SV2C: variants seen among roughly 807,000 people sequenced by gnomAD.
SV2C encodes the protein solute carrier family 22 member B3.
Under a neutral mutation model 79.7 loss-of-function variants are expected in SV2C, and 49 were observed. The ratio of observed to expected loss-of-function variants is 0.61; its 90% CI spans 0.49 to 0.78. The LOEUF (loss-of-function observed/expected upper bound fraction) is 0.78, where lower values mean the gene tolerates loss of function less well. Among genes scored for constraint, SV2C ranks in the 30% least tolerant of loss-of-function variants. The pLI, the probability that SV2C is intolerant of heterozygous loss-of-function variation, is 0.00. For missense variants in SV2C, 833 were observed against 912.9 expected (o/e 0.91, Z 1.13); for synonymous variants, 334 against 333.2 (o/e 1.00, Z -0.03).
the SV2C span, among the ~76,000 whole-genome samples, chr5:75,930,979 CA>C: frequency 1.3e-5 from 2 of 152,008 alleles, no homozygotes; most frequent in African/African-American, 2.4e-5. Flanking sequence ...ACTAAAAACA[CA>C]AAAATTAGCC....
chr5:75,944,785 C>T, the SV2C span, among the ~76,000 whole-genome samples: 2 of 152,034 alleles, frequency 1.3e-5, no homozygotes, highest in Non-Finnish European at 2.9e-5. Context: ...AGAAAAGTAC[C>T]CATTTCTTTT....
rs527647482 is a variant in SV2C at position 76,156,942 on chromosome 5, T to C, written c.580+24612T>C. Among the ~76,000 whole-genome samples the C allele has an allele frequency of 2.6e-5, 4 of 152,034 alleles. No individual in the cohort carries two copies. The South Asian group carries it at 8.3e-4, about 32-fold the overall frequency. ...ATTGAGTGCACCAACCTATATGTAATGGGAATACTGGAAGGAGAGGAAAAA... is the reference window on the plus strand; with the variant it reads ...ATTGAGTGCACCAACCTATATGTAACGGGAATACTGGAAGGAGAGGAAAAA... On this transcript the variant is annotated intron_variant, in intron 2 of 12. Coordinates refer to ENST00000502798, the MANE Select transcript of SV2C (RefSeq NM_014979.4).
At chr5:76,207,421 G>A (rs9293680) in intron 3 of SV2C, among the ~76,000 whole-genome samples, 83,309 of 152,042 alleles carry the variant, frequency 0.55, 23,232 homozygotes, top group African/African-American at 0.64. Context: ...ATCAAATGAA[G>A]AAAAGGAGTA....
chr5:76,035,155 T>C, the SV2C span, among the ~76,000 whole-genome samples: 1 of 152,138 alleles, frequency 6.6e-6, no homozygotes, highest in African/African-American at 2.4e-5. Flanking sequence ...TTTATAAGTC[T>C]TGCTAGCGGT....
chr5:75,872,424 T>C, the SV2C span, among the ~76,000 whole-genome samples: 2 of 152,146 alleles, frequency 1.3e-5, no homozygotes, highest in Admixed American at 6.6e-5. Flanking sequence ...CCTGGAATGG[T>C]ATTTTTTGGG....
At chr5:76,284,431 C>A (rs913428761) in intron 4 of SV2C, among the ~76,000 whole-genome samples, 3 of 152,174 alleles carry the variant, frequency 2.0e-5, no homozygotes, top group Non-Finnish European at 4.4e-5. Context: ...AAGCTAGTGA[C>A]ACCCTCAAAA....
At chr5:75,870,139 T>C in the SV2C span, among the ~76,000 whole-genome samples, 1 of 151,856 alleles carries the variant, frequency 6.6e-6, no homozygotes, top group South Asian at 2.1e-4. Flanking sequence ...CAGGAAAACA[T>C]GACATCACCA....
chr5:75,954,554 C>T, the SV2C span, among the ~76,000 whole-genome samples: 1 of 150,604 alleles, frequency 6.6e-6, no homozygotes, highest in East Asian at 1.9e-4. Flanking sequence ...GACGATCAGG[C>T]AGGAGAAGGA....
At chr5:75,973,691 G>C in the SV2C span, among the ~76,000 whole-genome samples, 4 of 151,914 alleles carry the variant, frequency 2.6e-5, no homozygotes, top group Admixed American at 2.6e-4. Flanking sequence ...AGACTATATA[G>C]AAGAGTAAGT....
intron 4 of SV2C, among the ~76,000 whole-genome samples, chr5:76,234,558 C>T (rs12187375): frequency 0.12 from 17,935 of 152,080 alleles, 3,080 homozygotes; most frequent in African/African-American, 0.38. Context: ...AAGTTTTATT[C>T]TGATATATTA....
intron 2 of SV2C, among the ~76,000 whole-genome samples, chr5:76,150,827 T>G (rs1749583765): frequency 6.6e-6 from 1 of 151,470 alleles, no homozygotes; most frequent in Non-Finnish European, 1.5e-5. Flanking sequence ...TTTGTGGAGA[T>G]GGGGGCCTCT....
Position 76,326,463 on chromosome 5 carries a change from T to C in SV2C, c.*916T>C, listed in dbSNP as rs1749000044. 1 of 152,210 alleles carries C rather than the reference T, an allele frequency of 6.6e-6. No homozygotes were observed. The highest frequency in any genetic ancestry group is 2.1e-4 in the South Asian group (1 of 4,826). 9.4% of individuals were successfully genotyped at this position (152,210 alleles called of 1,614,324 possible). On this transcript the variant is annotated 3_prime_UTR_variant, in exon 13 of 13. Transcript: ENST00000502798. The stretch of plus-strand genomic sequence containing the variant: ...CTGTCTCTAGTCTAGAGATTGCCAG[T>C]GGATAGCTAAATTGTAAATTGCAAA...
intron 12 of SV2C, chr5:76,311,463 C>G (rs1748438365): frequency 6.6e-6 from 1 of 152,142 alleles, no homozygotes; most frequent in Non-Finnish European, 1.5e-5. Context: ...GATTGTGAGG[C>G]TGGAAAGACA....
the SV2C span, among the ~76,000 whole-genome samples, chr5:75,882,594 C>T: frequency 3.4e-4 from 51 of 152,086 alleles, no homozygotes; most frequent in Non-Finnish European, 6.6e-4. Flanking sequence ...GAAATAACAC[C>T]GCATATCTAC....
At chr5:76,032,200 T>C in the SV2C span, among the ~76,000 whole-genome samples, 2 of 152,204 alleles carry the variant, frequency 1.3e-5, no homozygotes, top group South Asian at 4.1e-4. Flanking sequence ...ATATGATTTC[T>C]CTAGGGACAG....
chr5:76,292,927 G>A (rs1303728658), intron 8 of SV2C, among the ~76,000 whole-genome samples: 1 of 152,160 alleles, frequency 6.6e-6, no homozygotes, highest in Non-Finnish European at 1.5e-5. Context: ...CAGGAACTCA[G>A]TACCTTATAG....
At chr5:75,954,824 A>G in the SV2C span, among the ~76,000 whole-genome samples, 57,984 of 136,144 alleles carry the variant, frequency 0.43, 12,947 homozygotes, top group Middle Eastern at 0.52. Flanking sequence ...ATACCTAGGA[A>G]TCCAACTTAC....
intron 2 of SV2C, among the ~76,000 whole-genome samples, chr5:76,180,091 T>A (rs1222914795): frequency 3.3e-5 from 5 of 152,204 alleles, no homozygotes; most frequent in Non-Finnish European, 7.3e-5. Flanking sequence ...CATGTTCCCA[T>A]CATCTAGAAA....
intron 4 of SV2C, 148 bp downstream of exon 4, chr5:76,210,035 C>T (rs1744724285): frequency 2.0e-6 from 2 of 992,412 alleles, no homozygotes. Flanking sequence ...GAGTTTTTCC[C>T]CTCTGTGTAG....
Sources: gnomAD v4.1 joint callset for allele counts (sites outside exome capture counted in the v4.1 genomes callset) on GRCh38, gnomAD v4.1.1 for gene constraint, MANE v1.5 for transcripts, NCBI Gene and HGNC (gene_info 2026-07-23, HGNC 2026-07-21) for gene names.